USP16: variants seen among roughly 807,000 people sequenced by gnomAD.
USP16 encodes the protein ubiquitin carboxyl-terminal hydrolase 16.
Under a neutral mutation model 95.9 loss-of-function variants are expected in USP16, and 77 were observed. The ratio of observed to expected loss-of-function variants is 0.80; its 90% confidence interval spans 0.67 to 0.97. USP16 has a LOEUF of 0.97. Among genes scored for constraint, USP16 ranks in the 50% least tolerant of loss-of-function variants. The pLI is 0.00. For missense variants in USP16, 943 were observed against 959.9 expected (o/e 0.98, Z 0.23); for synonymous variants, 303 against 318.2 (o/e 0.95, Z 0.51).
At chr21:29,030,219 C>A (rs2085057402) in intron 2 of USP16, among the ~76,000 whole-genome samples, 1 of 152,008 alleles carries the variant, frequency 6.6e-6, no homozygotes, top group Admixed American at 6.6e-5. Flanking sequence ...AGTGCCTGCC[C>A]TATAGTAGGT....
chr21:29,043,471 G>A lies in USP16; in HGVS notation c.1228G>A (p.Asp410Asn), dbSNP rs779023189. ...NDKNLKKTVEDEDQDSEEEKD... is the reference protein window; with the variant it reads ...NDKNLKKTVENEDQDSEEEKD... ...TAAAAATCTGAAAAAGACAGTGGAG[G>A]ATGAAGATCAAGATAGTGAGGAAGA... Residue 410 changes from aspartate to asparagine, a missense_variant, in exon 13 of 18, where the codon GAT (aspartate) becomes AAT (asparagine). Coordinates refer to ENST00000399976, the MANE Select transcript of USP16 (RefSeq NM_006447.3). The A allele has an allele frequency of 6.3e-7, 1 of 1,578,104 alleles. No homozygotes were observed. Among genetic ancestry groups the A allele is most frequent in the Non-Finnish European group, 8.6e-7 (1 of 1,165,676 alleles).
rs904525347 is a variant in USP16 at position 29,042,054 on chromosome 21, A to G, written c.1072A>G (p.Ile358Val). The stretch of plus-strand genomic sequence containing the variant: ...ATCAATGCCAAGTTTTGTTGACCGC[A>G]TCTTTGGTGGTGAACTAACTAGTAT... ...KKSMPSFVDR[I>V]FGGELTSMIM... Residue 358 changes from isoleucine (I) to valine (V), a missense_variant, in exon 11 of 18, where the codon ATC becomes GTC. Coordinates refer to ENST00000399976, the MANE Select transcript of USP16 (RefSeq NM_006447.3). 4.3e-6 allele frequency: 7 copies of G among 1,613,270 alleles called. No individual in the cohort carries two copies. In the African/African-American group the frequency reaches 9.3e-5, roughly 22 times the overall value.
At chr21:29,044,608 TG>T (rs199911577) in intron 13 of USP16, among the ~76,000 whole-genome samples, 1,648 of 152,186 alleles carry the variant, frequency 0.011, 14 homozygotes, top group Non-Finnish European at 0.014. Context: ...CCACCGTACC[TG>T]GCTAACTTTT....
chr21:29,053,930 T>C lies in USP16; in HGVS notation c.2322T>C (p.Asn774=). ...KARTANSHLS[N]LVLHGDIPQD... is the part of the protein sequence containing the mutation. Reference sequence around the variant, plus strand: ...GAACCGCAAATAGTCATCTCTCTAATCTTGTTCTTCACGGTGATATTCCAC... The same window carrying C: ...GAACCGCAAATAGTCATCTCTCTAACCTTGTTCTTCACGGTGATATTCCAC... The change falls in exon 17 of 18, where the codon AAT becomes AAC. Residue 774 remains asparagine, a synonymous_variant. Transcript: ENST00000399976. 2 of 1,614,252 alleles carry C rather than the reference T, an allele frequency of 1.2e-6. No individual in the cohort carries two copies. Among genetic ancestry groups the C allele is most frequent in the Non-Finnish European group, 1.7e-6 (2 of 1,180,034 alleles).
intron 11 of USP16, 93 bp downstream of exon 11, chr21:29,042,197 G>T: frequency 2.6e-6 from 3 of 1,169,510 alleles, no homozygotes; most frequent in Non-Finnish European, 3.6e-6. Flanking sequence ...ACCTTCATAG[G>T]ATATCTTTTT....
chr21:29,030,910 A>C, intron 3 of USP16, 137 bp downstream of exon 3: 1 of 992,510 alleles, frequency 1.0e-6, no homozygotes, highest in Non-Finnish European at 1.4e-6. Context: ...ACCAGTTCTG[A>C]GATGTGTGTA....
At chr21:29,034,357 A>G (rs1195810093) in intron 3 of USP16, among the ~76,000 whole-genome samples, 3 of 148,102 alleles carry the variant, frequency 2.0e-5, no homozygotes, top group African/African-American at 7.5e-5. Context: ...TGCCCAGGCT[A>G]GAGTGCAGGC....
In USP16 at chr21:29,047,194, T is replaced by C. The variant is rs184885878; in HGVS notation, c.1884T>C (p.Thr628=). 2.7e-4 allele frequency: 436 copies of C among 1,614,204 alleles called. No homozygotes were observed. The highest frequency in any genetic ancestry group is 3.4e-4 in the Non-Finnish European group (407 of 1,180,026). ...TTGCAAACAGGGAAGTTTTCAATAC[T>C]GATGAGTGTTCAATCCAACATTGTT... ...CTLANREVFN[T]DECSIQHCLY... Residue 628 remains threonine, a synonymous_variant, in exon 14 of 18, where the codon ACT becomes ACC. Transcript: ENST00000399976.
At chr21:29,029,230 G>A (rs556531855) in intron 2 of USP16, among the ~76,000 whole-genome samples, 2 of 152,310 alleles carry the variant, frequency 1.3e-5, no homozygotes, top group South Asian at 2.1e-4. Context: ...TGGCTAACAC[G>A]GTGAAACCCC....
intron 16 of USP16, among the ~76,000 whole-genome samples, chr21:29,050,959 TATTA>T (rs2085404686): frequency 1.3e-5 from 2 of 152,180 alleles, no homozygotes; most frequent in African/African-American, 2.4e-5. Context: ...GAGGCTGTTG[TATTA>T]ATTCAGCCAG....
intron 7 of USP16, among the ~76,000 whole-genome samples, chr21:29,038,700 T>C (rs1300000145): frequency 1.3e-5 from 2 of 152,246 alleles, no homozygotes; most frequent in African/African-American, 4.8e-5. Context: ...TACATTATTA[T>C]TTTTAACATC....
At chr21:29,042,560 GA>G (rs1252851725) in intron 12 of USP16, 32 bp downstream of exon 12, 2 of 1,568,602 alleles carry the variant, frequency 1.3e-6, no homozygotes, top group East Asian at 2.3e-5. Context: ...TATTCAAGTA[GA>G]TTTTTTTTCC....
chr21:29,037,128 C>T (rs140690927), intron 5 of USP16, 148 bp from the exon 6 acceptor site: 187 of 428,978 alleles, frequency 4.4e-4, no homozygotes, highest in African/African-American at 3.5e-3. Context: ...TGGCAATTTA[C>T]CTGTATCTAT....
Position 29,043,116 on chromosome 21 carries a change from G to A in USP16, c.1180-307G>A, listed in dbSNP as rs138171167. The A allele has an allele frequency of 2.2e-3, 385 of 178,822 alleles. 6 individuals carry two copies. Among genetic ancestry groups the A allele is most frequent in the Non-Finnish European group, 7.5e-4 (64 of 85,670 alleles). 11.1% of individuals were successfully genotyped at this position (178,822 alleles called of 1,614,324 possible). ...GACTTACATAAGTCACTTAGAAAAT[G>A]TATTTGGAAATGGACGTATTTACAG... On this transcript the variant is annotated intron_variant, in intron 12 of 17. Transcript: ENST00000399976.
intron 2 of USP16, among the ~76,000 whole-genome samples, chr21:29,029,412 CAAAAAGA>C (rs981871936): frequency 1.2e-4 from 18 of 151,450 alleles, no homozygotes; most frequent in African/African-American, 4.1e-4. Context: ...GACTCCGTCT[CAAAAAGA>C]AAAAAGAAAA....
intron 15 of USP16, among the ~76,000 whole-genome samples, chr21:29,049,149 A>G (rs925934212): frequency 6.6e-6 from 1 of 152,206 alleles, no homozygotes; most frequent in Non-Finnish European, 1.5e-5. Flanking sequence ...TGTGTTACAT[A>G]TATCTCATGC....
intron 3 of USP16, among the ~76,000 whole-genome samples, chr21:29,031,355 G>T (rs1485412167): frequency 6.6e-6 from 1 of 152,168 alleles, no homozygotes; most frequent in African/African-American, 2.4e-5. Flanking sequence ...CTTAGTGGTG[G>T]CAAGTTAAGC....
chr21:29,026,432 G>GGCGACAGA (rs1180225951), intron 1 of USP16: 1 of 145,964 alleles, frequency 6.9e-6, no homozygotes, highest in Non-Finnish European at 1.5e-5. Context: ...CTCCGGCCTG[G>GGCGACAGA]GCGACAGAGC....
rs945251761 is a variant in USP16, at chr21:29,037,384, C to T, written c.557C>T (p.Pro186Leu). ...GAAAACATGGCTAAAGAGAATCCTCCCATGAATTCTCCTTGCCAAATAACC... is the reference window on the plus strand; with the variant it reads ...GAAAACATGGCTAAAGAGAATCCTCTCATGAATTCTCCTTGCCAAATAACC... ...KKENMAKENP[P>L]MNSPCQITVK... The change falls in exon 6 of 18, where the codon CCC (proline) becomes CTC (leucine). Residue 186 changes from proline to leucine, a missense_variant. Pro to Leu is a moderately conservative substitution (Grantham distance 98, BLOSUM62 -3). Coordinates refer to ENST00000399976, the MANE Select transcript of USP16 (RefSeq NM_006447.3). The T allele has an allele frequency of 5.0e-6, 8 of 1,609,278 alleles. No individual in the cohort carries two copies. The highest frequency in any genetic ancestry group is 1.7e-4 in the Middle Eastern group (1 of 6,050).
Sources: allele counts gnomAD v4.1 joint callset (sites outside exome capture counted in the v4.1 genomes callset), GRCh38; gene constraint gnomAD v4.1.1; transcripts MANE v1.5; gene names NCBI Gene and HGNC (gene_info 2026-07-23, HGNC 2026-07-21).